The following GPR107 variants were observed in gnomAD, a reference collection of about 807,000 sequenced individuals.
GPR107 encodes G protein-coupled receptor 107, also known as protein GPR107.
In GPR107, 31 loss-of-function variants were observed where a neutral mutation model predicts 75.5. That is an observed-to-expected ratio of 0.41 (90% confidence interval 0.31 to 0.55). GPR107 has a LOEUF of 0.55. Among genes scored for constraint, GPR107 ranks in the 20% least tolerant of loss-of-function variants. The pLI is 0.26. For synonymous variants in GPR107, 267 were observed against 251.3 expected, an observed-to-expected ratio of 1.06 and a Z score of -0.59; for missense variants, 572 against 665.7, an observed-to-expected ratio of 0.86 and a Z score of 1.55.
chr9:130,123,236 GCT>G, intron 14 of GPR107, among the ~76,000 whole-genome samples: 1 of 151,820 alleles, frequency 6.6e-6, no homozygotes, highest in Middle Eastern at 3.4e-3. Context: ...ACAGAGTGTT[GCT>G]CTGTCACCCA....
chr9:130,107,115 T>G (rs1476676252), intron 13 of GPR107, among the ~76,000 whole-genome samples: 1 of 152,184 alleles, frequency 6.6e-6, no homozygotes, highest in East Asian at 1.9e-4. Flanking sequence ...AGCTGGTGAC[T>G]TTCTTCTAGG....
At chr9:130,066,997 A>AG (rs1183008825) in intron 1 of GPR107, among the ~76,000 whole-genome samples, 1 of 152,108 alleles carries the variant, frequency 6.6e-6, no homozygotes, top group African/African-American at 2.4e-5. Flanking sequence ...AAAAAAAAAA[A>AG]AAGAGCTTGG....
At position 130,076,332 on chromosome 9, in the gene GPR107, C is replaced by T. The variant is rs1830348180; in HGVS notation, c.256-80C>T. 4 of 864,584 alleles carry T rather than the reference C, an allele frequency of 4.6e-6. No individual in the cohort carries two copies. In the Admixed American group the frequency reaches 7.1e-5, roughly 15 times the overall value. 53.6% of individuals were successfully genotyped at this position (864,584 alleles called of 1,614,324 possible). ...AACAGAGGAGACCACGTTAGAAGTA[C>T]CACTTTTTCTGCTTTTTGAGTAAGA... On this transcript the variant is annotated intron_variant, in intron 2 of 17. Coordinates refer to ENST00000347136, the MANE Select transcript of GPR107 (RefSeq NM_020960.5).
intron 14 of GPR107, among the ~76,000 whole-genome samples, chr9:130,123,525 CTTTTCTTT>C (rs1437203546): frequency 2.1e-4 from 28 of 135,580 alleles, no homozygotes; most frequent in Middle Eastern, 3.8e-3. Flanking sequence ...TCTTTCTTTT[CTTTTCTTT>C]TTTTTTTTTT....
chr9:130,093,100 A>C (rs747634891), intron 9 of GPR107, among the ~76,000 whole-genome samples: 6 of 152,180 alleles, frequency 3.9e-5, no homozygotes, highest in Non-Finnish European at 8.8e-5. Context: ...TACTGCTTAG[A>C]ACTGAAGGTC....
intron 1 of GPR107, among the ~76,000 whole-genome samples, chr9:130,063,683 T>G (rs1383808721): frequency 6.6e-6 from 1 of 152,124 alleles, no homozygotes; most frequent in African/African-American, 2.4e-5. Flanking sequence ...AATATTTGAT[T>G]GCTGGGGTTT....
intron 10 of GPR107, 131 bp downstream of exon 10, chr9:130,099,663 T>G (rs551242628): frequency 1.7e-6 from 1 of 605,448 alleles, no homozygotes; most frequent in East Asian, 2.7e-5. Flanking sequence ...TCATAAAGCC[T>G]CCTCTTGTCT....
intron 14 of GPR107, chr9:130,110,336 G>T (rs1231476331): frequency 7.4e-7 from 1 of 1,343,070 alleles, no homozygotes; most frequent in Non-Finnish European, 1.0e-6. Context: ...CATGGCCTGG[G>T]CACACAAGGC....
rs71387311 is a variant in GPR107 at position 130,085,754 on chromosome 9, ATTT to A, written c.565-651_565-649del. Among the ~76,000 whole-genome samples the A allele has an allele frequency of 8.6e-4, 68 of 78,654 alleles. 3 individuals carry two copies. The highest frequency in any genetic ancestry group is 1.1e-3 in the Non-Finnish European group (48 of 42,284). 51.6% of individuals were successfully genotyped at this position (78,654 alleles called of 152,430 possible). On this transcript the variant is annotated intron_variant, in intron 6 of 17. Coordinates refer to ENST00000347136, the MANE Select transcript of GPR107 (RefSeq NM_020960.5). ...TTACTGTATAAATGGCAATATTTTG[ATTT>A]TTTTTTTTTTTTTTGCCGGGGGGAA...
At chr9:130,060,717 C>T (rs1362958153) in intron 1 of GPR107, among the ~76,000 whole-genome samples, 1 of 152,142 alleles carries the variant, frequency 6.6e-6, no homozygotes, top group Non-Finnish European at 1.5e-5. Flanking sequence ...AAGTGCTTTG[C>T]TAAAGCCTCA....
At chr9:130,055,647 A>G (rs1320503263) in intron 1 of GPR107, among the ~76,000 whole-genome samples, 1 of 152,178 alleles carries the variant, frequency 6.6e-6, no homozygotes, top group South Asian at 2.1e-4. Context: ...ACAGAATGAA[A>G]TTAAAAGCCT....
At position 130,086,433 on chromosome 9, in the gene GPR107, A is replaced by G; in HGVS notation, c.578A>G (p.Lys193Arg). The G allele has an allele frequency of 1.3e-6, 2 of 1,529,326 alleles. No homozygotes were observed. Among genetic ancestry groups the G allele is most frequent in the Non-Finnish European group, 1.8e-6 (2 of 1,103,040 alleles). The allele number at this position is 1,529,326 out of a possible 1,614,324, so 94.7% of individuals were successfully genotyped here. A position where few individuals can be genotyped will look rare whatever the true frequency, so the allele number is the denominator to read the frequency against. Residue 193 changes from lysine (K) to arginine (R), a missense_variant, in exon 7 of 18, where the codon AAA becomes AGA. Physicochemically the swap from Lys to Arg is conservative, Grantham distance 26. Coordinates refer to ENST00000347136, the MANE Select transcript of GPR107 (RefSeq NM_020960.5). The part of the protein sequence containing the change: ...STVDSKAMGE[K>R]SFSVHNNGGA... ...ATGTCTTTTTAGGCCATGGGAGAGA[A>G]ATCCTTTTCTGTTCATAATAATGGT...
At chr9:130,075,199 C>CAAGAAAT (rs1830312331) in intron 1 of GPR107, among the ~76,000 whole-genome samples, 1 of 150,832 alleles carries the variant, frequency 6.6e-6, no homozygotes, top group Admixed American at 6.6e-5. Context: ...GGCTGGCTAG[C>CAAGAAAT]AAGAAATAAG....
In GPR107 at chr9:130,104,477, T is replaced by C. The variant is rs143178423; in HGVS notation, c.1189T>C (p.Tyr397His). Residue 397 changes from tyrosine (Y) to histidine (H), a missense_variant, in exon 13 of 18, where the codon TAT becomes CAT. By Grantham distance (83) the Tyr-to-His change is moderately conservative (BLOSUM62 2). Transcript: ENST00000347136. ...IESTEEGTTEYGLWKDSLFLV... is the reference protein window; with the variant it reads ...IESTEEGTTEHGLWKDSLFLV... Reference sequence around the variant, plus strand: ...GTCCACCGAGGAGGGCACGACTGAATATGGCTTGTGGAAGGACTCTCTATT... The same window carrying C: ...GTCCACCGAGGAGGGCACGACTGAACATGGCTTGTGGAAGGACTCTCTATT... 54 of 1,612,966 alleles carry C rather than the reference T, an allele frequency of 3.3e-5. No individual in the cohort carries two copies. The highest frequency in any genetic ancestry group is 1.7e-5 in the Admixed American group (1 of 60,002).
chr9:130,095,209 GT>G (rs1273650114), intron 9 of GPR107, among the ~76,000 whole-genome samples: 1 of 149,646 alleles, frequency 6.7e-6, no homozygotes, highest in African/African-American at 2.6e-5. Context: ...TCTTAGACAT[GT>G]TGTGTGATTC....
At chr9:130,089,310 G>A (rs184786695) in intron 7 of GPR107, among the ~76,000 whole-genome samples, 4 of 152,338 alleles carry the variant, frequency 2.6e-5, no homozygotes, top group Admixed American at 6.5e-5. Context: ...TTAGCAGCAC[G>A]TGCTGAAACA....
At chr9:130,054,175 C>G in intron 1 of GPR107, 102 bp downstream of exon 1, 1 of 1,118,180 alleles carries the variant, frequency 8.9e-7, no homozygotes, top group Non-Finnish European at 1.2e-6. Flanking sequence ...ACTGGACCAC[C>G]TCTTTGCCCC....
chr9:130,059,514 A>G (rs894755514), intron 1 of GPR107, among the ~76,000 whole-genome samples: 7 of 152,082 alleles, frequency 4.6e-5, no homozygotes, highest in Non-Finnish European at 1.0e-4. Flanking sequence ...AATAAAGCAA[A>G]TCAAAGGCAT....
intron 1 of GPR107, among the ~76,000 whole-genome samples, chr9:130,062,945 G>A (rs1028223824): frequency 6.6e-6 from 1 of 152,062 alleles, no homozygotes; most frequent in Admixed American, 6.6e-5. Context: ...GTCCAGGCTG[G>A]TCTTGAACTC....
Sources: gnomAD v4.1 joint callset for allele counts (sites outside exome capture counted in the v4.1 genomes callset) on GRCh38, gnomAD v4.1.1 for gene constraint, MANE v1.5 for transcripts, NCBI Gene and HGNC (gene_info 2026-07-23, HGNC 2026-07-21) for gene names.